Variants in CACNA2D3 observed in about 807,000 individuals in gnomAD.
The protein encoded by CACNA2D3 is voltage-dependent calcium channel subunit alpha-2/delta-3.
Under a neutral mutation model 160.6 loss-of-function variants are expected in CACNA2D3, and 60 were observed. That is an observed-to-expected ratio of 0.37 (90% CI 0.30 to 0.46). The LOEUF (loss-of-function observed/expected upper bound fraction) is 0.46. Among genes scored for constraint, CACNA2D3 ranks in the 20% least tolerant of loss-of-function variants. The pLI is 1.00. For synonymous variants in CACNA2D3, 558 were observed against 492.9 expected, an observed-to-expected ratio of 1.13 and a Z score of -1.75; for missense variants, 1,205 against 1,365.0, an observed-to-expected ratio of 0.88 and a Z score of 1.85.
intron 4 of CACNA2D3, among the ~76,000 whole-genome samples, chr3:54,475,750 A>G (rs1700817300): frequency 6.6e-6 from 1 of 151,906 alleles, no homozygotes. Context: ...ATACAAAGTG[A>G]TGTTTTGATA....
chr3:54,673,513 A>T (rs1700193215), intron 11 of CACNA2D3, among the ~76,000 whole-genome samples: 1 of 152,206 alleles, frequency 6.6e-6, no homozygotes, highest in South Asian at 2.1e-4. Context: ...TTCAGGATCC[A>T]TTTTTCTCTC....
At chr3:54,803,404 G>C (rs917890109) in intron 13 of CACNA2D3, among the ~76,000 whole-genome samples, 1 of 152,212 alleles carries the variant, frequency 6.6e-6, no homozygotes, top group African/African-American at 2.4e-5. Context: ...CAAGAACTAC[G>C]TGAAGAATGC....
At chr3:54,992,141 T>C (rs985246641) in intron 31 of CACNA2D3, among the ~76,000 whole-genome samples, 6 of 152,148 alleles carry the variant, frequency 3.9e-5, no homozygotes, top group African/African-American at 1.4e-4. Context: ...TTAAGTTGAT[T>C]TGGGGATGTT....
intron 13 of CACNA2D3, among the ~76,000 whole-genome samples, chr3:54,788,792 G>A (rs1402343689): frequency 6.6e-6 from 1 of 152,148 alleles, no homozygotes; most frequent in African/African-American, 2.4e-5. Flanking sequence ...TGCTGATACT[G>A]TGAATATTTA....
At chr3:55,009,556 T>C in intron 34 of CACNA2D3, 113 bp downstream of exon 34, 1 of 998,928 alleles carries the variant, frequency 1.0e-6, no homozygotes, top group Non-Finnish European at 1.6e-6. Context: ...GACAAAGTGA[T>C]GATTTTTCAG....
At chr3:54,141,082 T>C (rs1449614041) in intron 2 of CACNA2D3, among the ~76,000 whole-genome samples, 8 of 112,688 alleles carry the variant, frequency 7.1e-5, no homozygotes, top group Admixed American at 5.8e-4. Context: ...TGTGTGTGTG[T>C]GTGTGCGCGC....
chr3:54,601,067 C>T (rs1703050953), intron 9 of CACNA2D3, among the ~76,000 whole-genome samples: 1 of 152,142 alleles, frequency 6.6e-6, no homozygotes, highest in Admixed American at 6.5e-5. Flanking sequence ...GTTAGACACA[C>T]TATGCTGGAG....
Position 54,251,202 on chromosome 3 carries a change from G to T in CACNA2D3, c.205-69240G>T, listed in dbSNP as rs929090952. On this transcript the variant is annotated intron_variant, in intron 2 of 37. Transcript: ENST00000474759. ...CTTGCTCCAGTGTTTTGAAAAGAGG[G>T]ATGGGGTGATATTGGGGTGAGAGAG... Among the ~76,000 whole-genome samples the T allele has an allele frequency of 6.6e-5, 10 of 152,250 alleles. No individual in the cohort carries two copies. The South Asian group carries it at 2.1e-3, about 32-fold the overall frequency.
intron 3 of CACNA2D3, among the ~76,000 whole-genome samples, chr3:54,332,269 C>T (rs145309028): frequency 1.3e-5 from 2 of 152,312 alleles, no homozygotes; most frequent in Non-Finnish European, 2.9e-5. Flanking sequence ...TTTGAAATTT[C>T]ACATTTGCAT....
At chr3:54,887,848 C>T (rs769163433) in intron 23 of CACNA2D3, 111 bp from the exon 24 acceptor site, 120 of 786,056 alleles carry the variant, frequency 1.5e-4, no homozygotes, top group Non-Finnish European at 1.9e-4. Flanking sequence ...CATAAAGCAA[C>T]ATGCCGCATG....
chr3:54,303,818 G>GTTTTTTTTTTTTTTT (rs71617795), intron 2 of CACNA2D3, among the ~76,000 whole-genome samples: 9 of 115,004 alleles, frequency 7.8e-5, no homozygotes, highest in African/African-American at 2.0e-4. Flanking sequence ...CTTTTTTTCT[G>GTTTTTTTTTTTTTTT]TTTTTTTTTT....
chr3:54,650,529 A>C (rs752543500), intron 11 of CACNA2D3, among the ~76,000 whole-genome samples: 1 of 152,070 alleles, frequency 6.6e-6, no homozygotes, highest in Non-Finnish European at 1.5e-5. Context: ...ACACCCAGCT[A>C]ATTTTTATAT....
intron 2 of CACNA2D3, among the ~76,000 whole-genome samples, chr3:54,246,724 C>CAAAAAAAAAAAA (rs751213857): frequency 2.4e-4 from 36 of 147,792 alleles, no homozygotes; most frequent in African/African-American, 8.6e-4. Context: ...AACTCCATCT[C>CAAAAAAAAAAAA]AAAAAAACAA....
intron 5 of CACNA2D3, among the ~76,000 whole-genome samples, chr3:54,554,626 C>T (rs766757851): frequency 1.3e-5 from 2 of 151,986 alleles, no homozygotes; most frequent in African/African-American, 2.4e-5. Flanking sequence ...GAGGAAGAGC[C>T]GCTCTCATCT....
intron 2 of CACNA2D3, among the ~76,000 whole-genome samples, chr3:54,176,835 C>T (rs1231416123): frequency 1.3e-5 from 2 of 151,990 alleles, no homozygotes; most frequent in Non-Finnish European, 2.9e-5. Flanking sequence ...GTTGCTTTCT[C>T]CTTTGGTTGG....
rs144855904 is a variant in CACNA2D3, at chr3:54,352,269, G to T, written c.321+31711G>T. 2.8e-3 allele frequency among the ~76,000 whole-genome samples: 432 copies of T among 152,230 alleles called. 2 individuals are homozygous for T. The highest frequency in any genetic ancestry group is 0.01 in the African/African-American group (419 of 41,536). ...CTACTGAGTCGTTTATAAAATAAAG[G>T]TGGTAGTAGCACCTACTTCGTAGGA... On this transcript the variant is annotated intron_variant, in intron 3 of 37. Coordinates refer to ENST00000474759, the MANE Select transcript of CACNA2D3 (RefSeq NM_018398.3).
At chr3:54,665,551 CT>C (rs2106888650) in intron 11 of CACNA2D3, among the ~76,000 whole-genome samples, 1 of 137,526 alleles carries the variant, frequency 7.3e-6, no homozygotes, top group African/African-American at 2.7e-5. Context: ...CCATATACTA[CT>C]GTGTAAATGA....
At chr3:55,009,569 C>G in intron 34 of CACNA2D3, 126 bp downstream of exon 34, 1 of 890,548 alleles carries the variant, frequency 1.1e-6, no homozygotes. Flanking sequence ...TTTTTCAGCT[C>G]TGTCAGCAAA....
intron 35 of CACNA2D3, among the ~76,000 whole-genome samples, chr3:55,026,192 T>G (rs942768205): frequency 3.3e-5 from 5 of 152,200 alleles, no homozygotes; most frequent in African/African-American, 1.2e-4. Context: ...TGGTTTTGCC[T>G]GTTTCTTATT....
Sources: gnomAD v4.1 joint callset for allele counts (sites outside exome capture counted in the v4.1 genomes callset) on GRCh38, gnomAD v4.1.1 for gene constraint, MANE v1.5 for transcripts, NCBI Gene and HGNC (gene_info 2026-07-23, HGNC 2026-07-21) for gene names.